LRRFIP2: variants seen among roughly 807,000 people sequenced by gnomAD.
LRRFIP2 encodes LRR binding FLII interacting protein 2.
LRRFIP2 carries 109 observed loss-of-function variants against 125.9 expected under a neutral mutation model. The observed-to-expected ratio is 0.87, with a 90% CI of 0.74 to 1.01. The LOEUF (loss-of-function observed/expected upper bound fraction) is 1.01, where lower values mean the gene tolerates loss of function less well. Ranked by LOEUF, LRRFIP2 falls within the 50% of genes least tolerant of loss-of-function variation. LRRFIP2 has a pLI of 0.00. For missense variants in LRRFIP2, 850 were observed against 862.3 expected, an observed-to-expected ratio of 0.99 and a Z score of 0.18; for synonymous variants, 291 against 293.1, an observed-to-expected ratio of 0.99 and a Z score of 0.07.
intron 2 of LRRFIP2, among the ~76,000 whole-genome samples, chr3:37,142,754 A>G (rs765567580): frequency 2.6e-5 from 4 of 152,146 alleles, no homozygotes; most frequent in East Asian, 1.9e-4. Context: ...GAGAAAACCA[A>G]TTTTGTTGGG....
At chr3:37,102,272 G>C (rs939066788) in intron 15 of LRRFIP2, among the ~76,000 whole-genome samples, 8 of 151,884 alleles carry the variant, frequency 5.3e-5, no homozygotes, top group Non-Finnish European at 8.8e-5. Context: ...GAAATGACAT[G>C]ACATGGGATT....
chr3:37,072,648 C>T (rs1358961454), intron 21 of LRRFIP2, 142 bp downstream of exon 21: 4 of 458,982 alleles, frequency 8.7e-6, no homozygotes, highest in Non-Finnish European at 1.2e-5. Flanking sequence ...CTATGGAAGT[C>T]TCTGTCTCCT....
At position 37,159,987 on chromosome 3, in the gene LRRFIP2, C is replaced by T. The variant is rs192017755; in HGVS notation, c.-55-10949G>A. 8.0e-3 allele frequency among the ~76,000 whole-genome samples: 496 copies of T among 61,926 alleles called. 6 individuals carry two copies. The highest frequency in any genetic ancestry group is 0.036 in the African/African-American group (453 of 12,494). 40.6% of individuals were successfully genotyped at this position (61,926 alleles called of 152,430 possible). A position where few individuals can be genotyped will look rare whatever the true frequency, so the allele number is the denominator to read the frequency against. On this transcript the variant is annotated intron_variant, in intron 1 of 27. Transcript: ENST00000336686. ...TTGAGCCCAATGAGTAAGCCCTATG[C>T]GCAAAAAAAAAAAAAAAAAAAAAAA... is the stretch of plus-strand genomic sequence containing the variant.
intron 3 of LRRFIP2, among the ~76,000 whole-genome samples, chr3:37,128,091 G>A (rs180883245): frequency 6.6e-6 from 1 of 151,978 alleles, no homozygotes. Context: ...AAAAGACAAC[G>A]GATTGCAACA....
intron 23 of LRRFIP2, chr3:37,065,469 G>A (rs767845552): frequency 8.9e-6 from 4 of 451,824 alleles, no homozygotes; most frequent in Non-Finnish European, 1.8e-5. Flanking sequence ...ACACACTTGA[G>A]AAGTCTCCTG....
At chr3:37,140,756 T>A (rs1049286275) in intron 2 of LRRFIP2, among the ~76,000 whole-genome samples, 2 of 152,054 alleles carry the variant, frequency 1.3e-5, no homozygotes, top group Admixed American at 6.6e-5. Context: ...TTTTTTATAT[T>A]CCCCATCAAC....
At chr3:37,158,565 T>C (rs912564764) in intron 1 of LRRFIP2, among the ~76,000 whole-genome samples, 7 of 148,918 alleles carry the variant, frequency 4.7e-5, no homozygotes, top group Non-Finnish European at 3.0e-5. Context: ...CAAGGTCGCA[T>C]CACTGCACTC....
chr3:37,129,133 G>A lies in LRRFIP2; in HGVS notation c.107C>T (p.Ala36Val). Residue 36 changes from alanine (A) to valine (V), a missense_variant, in exon 3 of 28, where the codon GCA becomes GTA. Coordinates refer to ENST00000336686, the MANE Select transcript of LRRFIP2 (RefSeq NM_006309.4). ...NIAREAEARL[A>V]AKRAARAEAR... is the part of the protein sequence containing the mutation. ...TTCTGCCCGGGCAGCCCGTTTTGCT[G>A]CCAGCCTTGCCTCTGCCTGAAAAGT... 6.2e-7 allele frequency: 1 copy of A among 1,613,798 alleles called. No homozygotes were observed. The highest frequency in any genetic ancestry group is 8.5e-7 in the Non-Finnish European group (1 of 1,179,972).
At chr3:37,057,336 C>T (rs1258459304) in intron 25 of LRRFIP2, among the ~76,000 whole-genome samples, 4 of 152,172 alleles carry the variant, frequency 2.6e-5, no homozygotes, top group African/African-American at 9.7e-5. Flanking sequence ...TCAGGCTCAC[C>T]ACTGTAGTAG....
intron 1 of LRRFIP2, among the ~76,000 whole-genome samples, chr3:37,154,140 C>T (rs1314651008): frequency 1.3e-5 from 2 of 152,032 alleles, no homozygotes; most frequent in Non-Finnish European, 2.9e-5. Flanking sequence ...AATACCACTG[C>T]ACTCCAGCCT....
intron 2 of LRRFIP2, chr3:37,134,551 G>T (rs1373603569): frequency 4.6e-6 from 2 of 439,218 alleles, no homozygotes; most frequent in East Asian, 5.3e-5. Context: ...TGGCAGAGCC[G>T]GTATGAGATG....
At chr3:37,100,508 AG>A (rs2093981093) in intron 15 of LRRFIP2, among the ~76,000 whole-genome samples, 1 of 151,912 alleles carries the variant, frequency 6.6e-6, no homozygotes, top group African/African-American at 2.4e-5. Context: ...ATAAAATAAC[AG>A]GGGTTAGCCA....
At chr3:37,118,794 A>G (rs35835767) in intron 6 of LRRFIP2, among the ~76,000 whole-genome samples, 9,577 of 152,294 alleles carry the variant, frequency 0.063, 440 homozygotes, top group Middle Eastern at 0.18. Flanking sequence ...ACTACGTTCA[A>G]AAAGTATTAG....
intron 4 of LRRFIP2, 140 bp from the exon 5 acceptor site, chr3:37,121,831 C>G: frequency 1.5e-6 from 1 of 667,872 alleles, no homozygotes; most frequent in South Asian, 1.7e-5. Context: ...ATCTTAGGGG[C>G]AGCCACATTC....
chr3:37,104,584 T>C (rs1206064164), intron 14 of LRRFIP2, among the ~76,000 whole-genome samples: 1 of 152,242 alleles, frequency 6.6e-6, no homozygotes, highest in Non-Finnish European at 1.5e-5. Flanking sequence ...TTAAAGGAAT[T>C]ACAGCCTCTT....
chr3:37,154,623 G>A (rs1252254237), intron 1 of LRRFIP2: 1 of 152,214 alleles, frequency 6.6e-6, no homozygotes, highest in Non-Finnish European at 1.5e-5. Context: ...CAGAAAAGAA[G>A]GAAAGTATCT....
In LRRFIP2 at chr3:37,053,922, T is replaced by C. The variant is rs1306445099; in HGVS notation, c.2095A>G (p.Thr699Ala). The C allele has an allele frequency of 1.2e-6, 2 of 1,613,874 alleles. No homozygotes were observed. Among genetic ancestry groups the C allele is most frequent in the African/African-American group, 2.7e-5 (2 of 74,930 alleles). Residue 699 changes from threonine (T) to alanine (A), a missense_variant, in exon 28 of 28, where the codon ACC (threonine) becomes GCC (alanine). Thr to Ala is a moderately conservative substitution (Grantham distance 58). Coordinates refer to ENST00000336686, the MANE Select transcript of LRRFIP2 (RefSeq NM_006309.4). The stretch of plus-strand genomic sequence containing the variant: ...AGCCGCTTGGCCAGGTGGCTGTTGG[T>C]CATCTCCATCTCCTCAATCTTGTCC... ...ALDKIEEMEM[T>A]NSHLAKRLEK...
chr3:37,078,448 G>A (rs763322838), intron 19 of LRRFIP2, among the ~76,000 whole-genome samples: 2 of 152,120 alleles, frequency 1.3e-5, no homozygotes, highest in African/African-American at 2.4e-5. Flanking sequence ...AGAACAGAAC[G>A]TAACATAATT....
chr3:37,120,496 T>C (rs952782150), intron 6 of LRRFIP2, among the ~76,000 whole-genome samples: 21 of 152,152 alleles, frequency 1.4e-4, no homozygotes, highest in African/African-American at 4.8e-4. Flanking sequence ...GTACATTACA[T>C]TCACCAAGAA....
Sources: allele counts gnomAD v4.1 joint callset (sites outside exome capture counted in the v4.1 genomes callset), GRCh38; gene constraint gnomAD v4.1.1; transcripts MANE v1.5; gene names NCBI Gene and HGNC (gene_info 2026-07-23, HGNC 2026-07-21).